Variants in SYNE2 observed in about 807,000 individuals in gnomAD.
The protein encoded by SYNE2 is nesprin-2.
Under a neutral mutation model 856.3 loss-of-function variants are expected in SYNE2, and 431 were observed. The observed-to-expected ratio is 0.50, with a 90% CI of 0.47 to 0.55. The LOEUF is 0.55. SYNE2 is among the 20% of genes least tolerant of loss of function. The pLI is 0.00. For missense variants in SYNE2, 8,129 were observed against 8,023.2 expected (o/e 1.01, Z -0.50); for synonymous variants, 2,923 against 2,872.3 (o/e 1.02, Z -0.56).
intron 104 of SYNE2, among the ~76,000 whole-genome samples, chr14:64,212,486 A>C (rs986279644): frequency 9.2e-5 from 14 of 152,230 alleles, no homozygotes; most frequent in Non-Finnish European, 1.6e-4. Flanking sequence ...TTCGTGGCTT[A>C]TTATGGGAAA....
At chr14:63,964,291 G>A (rs1338080957) in intron 10 of SYNE2, among the ~76,000 whole-genome samples, 3 of 152,182 alleles carry the variant, frequency 2.0e-5, no homozygotes, top group African/African-American at 7.2e-5. Context: ...AGTACTTTGA[G>A]CAGCATGGTT....
intron 1 of SYNE2, among the ~76,000 whole-genome samples, chr14:63,805,171 G>C (rs1888311198): frequency 6.6e-6 from 1 of 152,134 alleles, no homozygotes. Context: ...GATGCCTCTG[G>C]CTTTGTTCTT....
rs866590469 is a variant in SYNE2 at position 63,943,384 on chromosome 14, C to G, written c.408+1241C>G. On this transcript the variant is annotated intron_variant, in intron 6 of 115. Coordinates refer to ENST00000555002, the MANE Select transcript of SYNE2 (RefSeq NM_182914.3). ...TGCACTACCTAAAATGTTGCATTTT[C>G]TGTATCTCCATAATTATTTTAAAAA... Among the ~76,000 whole-genome samples, 7 of 152,222 alleles carry G rather than the reference C, an allele frequency of 4.6e-5. No individual in the cohort carries two copies. In the Middle Eastern group the frequency reaches 0.01, roughly 222 times the overall value.
intron 1 of SYNE2, among the ~76,000 whole-genome samples, chr14:63,784,972 G>T (rs755789343): frequency 6.6e-6 from 1 of 151,722 alleles, no homozygotes; most frequent in Non-Finnish European, 1.5e-5. Flanking sequence ...GAGGGGTGTT[G>T]TATTTGTGAA....
At chr14:63,944,838 T>TTTTC (rs2095998250) in intron 6 of SYNE2, among the ~76,000 whole-genome samples, 3 of 136,476 alleles carry the variant, frequency 2.2e-5, no homozygotes, top group African/African-American at 8.6e-5. Context: ...TTTTTTTTTT[T>TTTTC]TTTTTTTTTT....
chr14:63,978,032 C>T lies in SYNE2; in HGVS notation c.1406+15C>T, dbSNP rs987156816. On this transcript the variant is annotated intron_variant, in intron 13 of 115. Coordinates refer to ENST00000555002, the MANE Select transcript of SYNE2 (RefSeq NM_182914.3). Reference sequence around the variant, plus strand: ...ATGAAAAGACGGTGTGTAACACTACCATTTCACAGCTGCTGTCACTATTCA... The same window carrying T: ...ATGAAAAGACGGTGTGTAACACTACTATTTCACAGCTGCTGTCACTATTCA... 5 of 1,478,658 alleles carry T rather than the reference C, an allele frequency of 3.4e-6. No individual in the cohort carries two copies. Among genetic ancestry groups the T allele is most frequent in the Admixed American group, 1.7e-5 (1 of 59,838 alleles). 91.6% of individuals were successfully genotyped at this position (1,478,658 alleles called of 1,614,324 possible). A position where few individuals can be genotyped will look rare whatever the true frequency, so the allele number is the denominator to read the frequency against.
chr14:64,052,086 A>G lies in SYNE2; in HGVS notation c.8173A>G (p.Asn2725Asp). 5 of 1,614,220 alleles carry G rather than the reference A, an allele frequency of 3.1e-6. No homozygotes were observed. The highest frequency in any genetic ancestry group is 4.2e-6 in the Non-Finnish European group (5 of 1,180,034). ...GGAGCCATTACACTTAGAAGCAGAA[A>G]ATCAGATTAAGAAGTGTGACATAAG... The part of the protein sequence containing the change: ...TLEPLHLEAE[N>D]QIKKCDIRNK... The change falls in exon 48 of 116, where the codon AAT becomes GAT. Residue 2725 changes from asparagine (N) to aspartate (D), a missense_variant. Physicochemically the swap from Asn to Asp is conservative, Grantham distance 23 (BLOSUM62 1). Transcript: ENST00000555002.
In SYNE2 at chr14:64,113,365, G is replaced by A; in HGVS notation, c.12634G>A (p.Asp4212Asn). 6.2e-7 allele frequency: 1 copy of A among 1,614,042 alleles called. No individual in the cohort carries two copies. Among genetic ancestry groups the A allele is most frequent in the South Asian group, 1.1e-5 (1 of 91,062 alleles). Reference protein sequence around the residue: ...EEGTTPPIEADTLDSSDAQGG... With the variant: ...EEGTTPPIEANTLDSSDAQGG... ...GGGCACCACACCTCCTATTGAGGCT[G>A]ACACTCTGGACTCTTCTGACGCGCA... The change falls in exon 66 of 116, where the codon GAC becomes AAC. Residue 4212 changes from aspartate to asparagine, a missense_variant. By Grantham distance (23) the Asp-to-Asn change is conservative. Around this residue, in one of 3 missense-constraint regions of SYNE2, gnomAD observed 5,410 missense variants for 5,284.8 expected, o/e 1.02. Coordinates refer to ENST00000555002, the MANE Select transcript of SYNE2 (RefSeq NM_182914.3).
intron 90 of SYNE2, 57 bp downstream of exon 90, chr14:64,165,467 A>G (rs755842342): frequency 5.6e-5 from 88 of 1,577,918 alleles, no homozygotes; most frequent in Non-Finnish European, 7.2e-5. Flanking sequence ...GTTAAAAAAA[A>G]TAAGCTGATT....
chr14:63,822,485 C>T (rs780748432), intron 1 of SYNE2, among the ~76,000 whole-genome samples: 6 of 152,032 alleles, frequency 3.9e-5, no homozygotes, highest in Non-Finnish European at 8.8e-5. Flanking sequence ...CAGTGGCAAT[C>T]ATTTAACACT....
intron 47 of SYNE2, among the ~76,000 whole-genome samples, chr14:64,050,177 T>C (rs1419425558): frequency 5.3e-5 from 8 of 152,168 alleles, no homozygotes; most frequent in African/African-American, 1.9e-4. Flanking sequence ...AGTTCACAGA[T>C]GGCACATCTT....
At chr14:63,944,260 G>A (rs1035943959) in intron 6 of SYNE2, among the ~76,000 whole-genome samples, 2 of 146,314 alleles carry the variant, frequency 1.4e-5, no homozygotes, top group African/African-American at 5.1e-5. Flanking sequence ...ATGCTCTGAT[G>A]AACAGCTTTC....
At chr14:64,070,227 G>A (rs760387236) in intron 51 of SYNE2, among the ~76,000 whole-genome samples, 71 of 152,142 alleles carry the variant, frequency 4.7e-4, no homozygotes, top group Non-Finnish European at 8.7e-4. Context: ...TAGCATACAG[G>A]GATTGGAAGT....
At chr14:63,981,946 TCCAA>T (rs1344528244) in intron 16 of SYNE2, among the ~76,000 whole-genome samples, 1 of 152,174 alleles carries the variant, frequency 6.6e-6, no homozygotes, top group Non-Finnish European at 1.5e-5. Flanking sequence ...ATCTTCGTCT[TCCAA>T]CAGTCTTTCT....
chr14:63,953,546 A>ATAGATAGG (rs2096198909), intron 7 of SYNE2, among the ~76,000 whole-genome samples: 1 of 150,306 alleles, frequency 6.7e-6, no homozygotes, highest in Admixed American at 6.8e-5. Flanking sequence ...AGAGAGAGAG[A>ATAGATAGG]TAGATAGATA....
chr14:63,992,302 G>A (rs1238649828), intron 21 of SYNE2, among the ~76,000 whole-genome samples: 2 of 151,802 alleles, frequency 1.3e-5, no homozygotes, highest in African/African-American at 4.8e-5. Context: ...TTAGAGACAG[G>A]GTCTCACTCT....
intron 1 of SYNE2, among the ~76,000 whole-genome samples, chr14:63,822,234 A>AC (rs897137568): frequency 1.2e-4 from 19 of 152,194 alleles, no homozygotes; most frequent in African/African-American, 4.6e-4. Context: ...AAACAAACAA[A>AC]AAAAAAAACC....
chr14:63,811,969 A>AT (rs756798931), intron 1 of SYNE2, among the ~76,000 whole-genome samples: 13 of 152,202 alleles, frequency 8.5e-5, no homozygotes, highest in Admixed American at 1.3e-4. Context: ...AAAACTCCTG[A>AT]TAAGGGTCTA....
Position 64,003,392 on chromosome 14 carries a change from G to A in SYNE2, c.4397+62G>A, listed in dbSNP as rs2153506215. 6 of 1,596,096 alleles carry A rather than the reference G, an allele frequency of 3.8e-6. No homozygotes were observed. In the South Asian group the frequency reaches 5.5e-5, roughly 15 times the overall value. On this transcript the variant is annotated intron_variant, in intron 30 of 115. Coordinates refer to ENST00000555002, the MANE Select transcript of SYNE2 (RefSeq NM_182914.3). ...GACATCTTTCTGTATTTTCACTTCTGTTAGGTGAAAGAAATTCTTCCTATG... is the reference window on the plus strand; with the variant it reads ...GACATCTTTCTGTATTTTCACTTCTATTAGGTGAAAGAAATTCTTCCTATG...
Sources: allele counts gnomAD v4.1 joint callset (sites outside exome capture counted in the v4.1 genomes callset), GRCh38; gene constraint gnomAD v4.1.1; regional missense constraint gnomAD v4.1.1; transcripts MANE v1.5; gene names NCBI Gene and HGNC (gene_info 2026-07-23, HGNC 2026-07-21).